Variants in C10orf90 observed in about 807,000 individuals in gnomAD.
C10orf90 encodes (E2-independent) E3 ubiquitin-conjugating enzyme FATS.
Under a neutral mutation model 62.5 loss-of-function variants are expected in C10orf90, and 56 were observed. That is an observed-to-expected ratio of 0.90 (90% CI 0.72 to 1.12). The LOEUF is 1.12. Ranked by LOEUF, C10orf90 falls within the 50% of genes most tolerant of loss-of-function variation. The pLI, the probability that C10orf90 is intolerant of heterozygous loss-of-function variation, is 0.00. For missense variants in C10orf90, 970 were observed against 880.4 expected, an observed-to-expected ratio of 1.10 and a Z score of -1.29; for synonymous variants, 386 against 340.4, an observed-to-expected ratio of 1.13 and a Z score of -1.47.
intron 2 of C10orf90, among the ~76,000 whole-genome samples, chr10:126,636,915 T>G (rs2133837533): frequency 6.6e-6 from 1 of 152,226 alleles, no homozygotes; most frequent in East Asian, 1.9e-4. Context: ...ACATGCCCTC[T>G]CTGTGCAGTG....
intron 2 of C10orf90, among the ~76,000 whole-genome samples, chr10:126,616,095 G>T (rs537617738): frequency 6.6e-6 from 1 of 152,290 alleles, no homozygotes; most frequent in East Asian, 1.9e-4. Flanking sequence ...AGATACACAG[G>T]CCCCCCACCA....
At chr10:126,585,493 A>C (rs1373730917) in intron 2 of C10orf90, among the ~76,000 whole-genome samples, 1 of 59,688 alleles carries the variant, frequency 1.7e-5, no homozygotes, top group African/African-American at 7.7e-5. Context: ...GGAGAAAAGG[A>C]GGAAAAGAAA....
intron 2 of C10orf90, among the ~76,000 whole-genome samples, chr10:126,577,283 T>TA (rs756128938): frequency 4.7e-4 from 71 of 151,906 alleles, no homozygotes; most frequent in Non-Finnish European, 6.3e-4. Flanking sequence ...ATTTGTCAAT[T>TA]AAAAGATAAA....
chr10:126,590,083 C>A (rs1267935595), intron 2 of C10orf90, among the ~76,000 whole-genome samples: 1 of 151,814 alleles, frequency 6.6e-6, no homozygotes, highest in Admixed American at 6.6e-5. Context: ...CAACAAAGAT[C>A]AAAAAAGACA....
At position 126,478,765 on chromosome 10, in the gene C10orf90, C is replaced by A. The variant is rs572959500; in HGVS notation, c.1535-13779G>T. ...GGGGAGGAGGTTCTGCTGTCCAACA[C>A]CCCTGGCCTTGGTCTTGTCCTTTCA... On this transcript the variant is annotated intron_variant, in intron 4 of 9. Coordinates refer to ENST00000488181, the MANE Select transcript of C10orf90 (RefSeq NM_001350921.2). Among the ~76,000 whole-genome samples the A allele has an allele frequency of 5.3e-5, 8 of 152,198 alleles. 1 individual carries two copies. Among genetic ancestry groups the A allele is most frequent in the African/African-American group, 1.9e-4 (8 of 41,524 alleles).
At chr10:126,518,257 T>C (rs1011957109) in intron 2 of C10orf90, among the ~76,000 whole-genome samples, 11 of 152,154 alleles carry the variant, frequency 7.2e-5, no homozygotes, top group Non-Finnish European at 4.4e-5. Context: ...TTCTTGTGTC[T>C]CACATACTGA....
At chr10:126,439,051 C>T (rs1858125085) in intron 7 of C10orf90, among the ~76,000 whole-genome samples, 1 of 152,166 alleles carries the variant, frequency 6.6e-6, no homozygotes, top group African/African-American at 2.4e-5. Flanking sequence ...GCCTATCAGC[C>T]AGACCCAGTT....
rs759331040 is a variant in C10orf90, at chr10:126,461,448, C to T, written c.1963G>A (p.Asp655Asn). The stretch of plus-strand genomic sequence containing the variant: ...GGCGTTTGCTGAGACTCAGAACAGT[C>T]TTCGGACAGGCCAGGGCTCCCTGCT... ...DGAGSPGLSEDCSESQQTPAR... is the reference protein window; with the variant it reads ...DGAGSPGLSENCSESQQTPAR... The change falls in exon 6 of 10, where the codon GAC (aspartate) becomes AAC (asparagine). Residue 655 changes from aspartate (D) to asparagine (N), a missense_variant. By Grantham distance (23) the Asp-to-Asn change is conservative. Coordinates refer to ENST00000488181, the MANE Select transcript of C10orf90 (RefSeq NM_001350921.2). 3.1e-6 allele frequency: 5 copies of T among 1,614,208 alleles called. No individual in the cohort carries two copies. In the South Asian group the frequency reaches 4.4e-5, roughly 14 times the overall value.
intron 3 of C10orf90, among the ~76,000 whole-genome samples, chr10:126,507,298 A>G (rs1244334390): frequency 6.8e-6 from 1 of 146,096 alleles, no homozygotes; most frequent in Non-Finnish European, 1.5e-5. Context: ...CGGAGCTTGC[A>G]GTGAGCCAAG....
At chr10:126,660,018 G>C (rs1405106967) in intron 1 of C10orf90, among the ~76,000 whole-genome samples, 1 of 152,244 alleles carries the variant, frequency 6.6e-6, no homozygotes, top group East Asian at 1.9e-4. Flanking sequence ...GGAGCTCCCA[G>C]ACAGAGACTC....
intron 2 of C10orf90, among the ~76,000 whole-genome samples, chr10:126,577,597 C>T (rs1844653663): frequency 1.3e-5 from 2 of 152,020 alleles, no homozygotes; most frequent in South Asian, 4.1e-4. Flanking sequence ...TTCCTTCTTT[C>T]CCAAGTTGAT....
At chr10:126,436,937 TACAGGTATGAACC>T (rs1277804924) in intron 7 of C10orf90, among the ~76,000 whole-genome samples, 2 of 152,206 alleles carry the variant, frequency 1.3e-5, no homozygotes, top group African/African-American at 4.8e-5. Context: ...ATGCTGGTAT[TACAGGTATGAACC>T]ACTGTGTTGG....
At chr10:126,567,491 C>T (rs999472328) in intron 2 of C10orf90, among the ~76,000 whole-genome samples, 5 of 152,106 alleles carry the variant, frequency 3.3e-5, no homozygotes, top group African/African-American at 1.2e-4. Context: ...GACATAGATC[C>T]AAACCATATC....
intron 2 of C10orf90, among the ~76,000 whole-genome samples, chr10:126,569,747 T>A (rs1844467188): frequency 6.6e-6 from 1 of 152,064 alleles, no homozygotes; most frequent in South Asian, 2.1e-4. Flanking sequence ...TGGCTCTCAG[T>A]GTTATAAAAG....
intron 4 of C10orf90, among the ~76,000 whole-genome samples, chr10:126,483,676 C>A (rs1350646235): frequency 6.6e-6 from 1 of 152,222 alleles, no homozygotes; most frequent in East Asian, 1.9e-4. Context: ...TCAGCATTAG[C>A]TCTATAAGCA....
chr10:126,576,660 T>TCAGCCTGGGC (rs1591113819), intron 2 of C10orf90, among the ~76,000 whole-genome samples: 1 of 57,168 alleles, frequency 1.7e-5, no homozygotes, highest in Non-Finnish European at 3.6e-5. Context: ...CCAAGATATG[T>TCAGCCTGGGC]ATACATATAT....
Position 126,504,377 on chromosome 10 carries a change from T to C in C10orf90, c.1114A>G (p.Ile372Val). The C allele has an allele frequency of 1.2e-6, 2 of 1,614,162 alleles. No homozygotes were observed. The highest frequency in any genetic ancestry group is 1.7e-6 in the Non-Finnish European group (2 of 1,180,032). Residue 372 changes from isoleucine to valine, a missense_variant, in exon 4 of 10, where the codon ATT (isoleucine) becomes GTT (valine). Coordinates refer to ENST00000488181, the MANE Select transcript of C10orf90 (RefSeq NM_001350921.2). The surrounding 1 kb of genome is among the most constrained non-coding windows in gnomAD (Gnocchi z 4.1). Reference sequence around the variant, plus strand: ...GGGCTGGCAATTTGAGGTGGCTCAATGGGGACGGAGAGAGACTTGTCTACG... The same window carrying C: ...GGGCTGGCAATTTGAGGTGGCTCAACGGGGACGGAGAGAGACTTGTCTACG... ...YYVDKSLSVP[I>V]EPPQIASPKM...
chr10:126,649,080 C>CG (rs67086616), intron 1 of C10orf90, among the ~76,000 whole-genome samples: 2 of 118,754 alleles, frequency 1.7e-5, no homozygotes, highest in Non-Finnish European at 3.5e-5. Context: ...CTCCCCCCCC[C>CG]CCAGCAATTC....
rs1300021864 is a variant in C10orf90 at position 126,458,226 on chromosome 10, AC to A, written c.2188+813del. 8.5e-5 allele frequency among the ~76,000 whole-genome samples: 13 copies of A among 152,252 alleles called. No homozygotes were observed. In the East Asian group the frequency reaches 2.5e-3, roughly 29 times the overall value. ...TTGAACATGGTTATTTCCCCAAAAGACTTTTATTCTGAGTTATACTCATGAT... is the reference window on the plus strand; with the variant it reads ...TTGAACATGGTTATTTCCCCAAAAGATTTTATTCTGAGTTATACTCATGAT... On this transcript the variant is annotated intron_variant, in intron 7 of 9. Coordinates refer to ENST00000488181, the MANE Select transcript of C10orf90 (RefSeq NM_001350921.2).
Sources: gnomAD v4.1 joint callset for allele counts (sites outside exome capture counted in the v4.1 genomes callset) on GRCh38, gnomAD v4.1.1 for gene constraint, Gnocchi (gnomAD v3.1) non-coding constraint, MANE v1.5 for transcripts, NCBI Gene and HGNC (gene_info 2026-07-23, HGNC 2026-07-21) for gene names.